Variants in CDK19 observed in about 807,000 individuals in gnomAD.
CDK19 encodes the protein cyclin dependent kinase 19, also known as cyclin-dependent kinase 19.
In CDK19, 20 loss-of-function variants were observed where a neutral mutation model predicts 68.3. That is an observed-to-expected ratio of 0.29 (90% CI 0.21 to 0.43). CDK19 has a LOEUF of 0.43. CDK19 is among the 20% of genes least tolerant of loss of function. The pLI is 1.00. For synonymous variants in CDK19, 221 were observed against 222.8 expected (o/e 0.99, Z 0.07); for missense variants, 339 against 623.5 (o/e 0.54, Z 4.86).
chr6:110,684,875 A>C (rs59870739), intron 2 of CDK19, among the ~76,000 whole-genome samples: 2,235 of 152,302 alleles, frequency 0.015, 38 homozygotes, highest in Middle Eastern at 0.044. Context: ...ACAGTGGCTC[A>C]CACCTGTAAT....
At chr6:110,804,934 C>A (rs922358583) in intron 1 of CDK19, among the ~76,000 whole-genome samples, 1 of 151,356 alleles carries the variant, frequency 6.6e-6, no homozygotes, top group Admixed American at 6.6e-5. Context: ...CCAACCTGGG[C>A]GACAGAACAA....
At chr6:110,620,578 TTC>T (rs1248674826) in intron 12 of CDK19, among the ~76,000 whole-genome samples, 3 of 152,222 alleles carry the variant, frequency 2.0e-5, no homozygotes, top group Non-Finnish European at 4.4e-5. Flanking sequence ...GCAATTGGTG[TTC>T]TCTTTTTATC....
In CDK19 at chr6:110,759,209, G is replaced by A. The variant is rs184811721; in HGVS notation, c.129-13008C>T. ...AGGTCAGGAGATCGAGACCATTCTG[G>A]CTAACACGGTGAAACCCCATCTCTA... On this transcript the variant is annotated intron_variant, in intron 1 of 12. Coordinates refer to ENST00000368911, the MANE Select transcript of CDK19 (RefSeq NM_015076.5). 4.8e-3 allele frequency among the ~76,000 whole-genome samples: 726 copies of A among 150,560 alleles called. 4 individuals are homozygous for A. Among genetic ancestry groups the A allele is most frequent in the Non-Finnish European group, 7.4e-3 (503 of 67,666 alleles).
chr6:110,738,469 G>A (rs527690834), intron 2 of CDK19, among the ~76,000 whole-genome samples: 12 of 152,118 alleles, frequency 7.9e-5, no homozygotes, highest in Non-Finnish European at 1.5e-4. Context: ...GCAGTGAGCC[G>A]AGATCGCGCC....
chr6:110,757,519 T>C (rs1778916925), intron 1 of CDK19, among the ~76,000 whole-genome samples: 1 of 152,234 alleles, frequency 6.6e-6, no homozygotes, highest in Non-Finnish European at 1.5e-5. Context: ...GGAAATTTAA[T>C]TATGAACCAG....
chr6:110,621,740 G>A lies in CDK19; in HGVS notation c.1110+348C>T, dbSNP rs928542523. Reference sequence around the variant, plus strand: ...GGAAAGGCAGAGCGGTCTGGAGAGTGAGCCAATATATCCAGTTAAGACGAA... The same window carrying A: ...GGAAAGGCAGAGCGGTCTGGAGAGTAAGCCAATATATCCAGTTAAGACGAA... On this transcript the variant is annotated intron_variant, in intron 11 of 12. Coordinates refer to ENST00000368911, the MANE Select transcript of CDK19 (RefSeq NM_015076.5). The surrounding 1 kb of genome is among the most constrained non-coding windows in gnomAD (Gnocchi z 5.4). Among the ~76,000 whole-genome samples, 1 of 152,220 alleles carries A rather than the reference G, an allele frequency of 6.6e-6. No homozygotes were observed. The highest frequency in any genetic ancestry group is 1.5e-5 in the Non-Finnish European group (1 of 68,034).
rs1033028653 is a variant in CDK19 at position 110,729,990 on chromosome 6, A to T, written c.204+16136T>A. Among the ~76,000 whole-genome samples, 7 of 152,314 alleles carry T rather than the reference A, an allele frequency of 4.6e-5. No individual in the cohort carries two copies. The East Asian group carries it at 1.4e-3, about 29-fold the overall frequency. On this transcript the variant is annotated intron_variant, in intron 2 of 12. Transcript: ENST00000368911. ...AACTGGGTCTCAGACTGAGAGTAAT[A>T]GATGGCCCAAGACTAAATAGCTACA...
At chr6:110,658,789 T>A (rs1230327755) in intron 4 of CDK19, among the ~76,000 whole-genome samples, 2 of 151,886 alleles carry the variant, frequency 1.3e-5, no homozygotes, top group Non-Finnish European at 2.9e-5. Flanking sequence ...CTAGGAAGAG[T>A]ATGAGACGAC....
chr6:110,757,307 G>C (rs180906954), intron 1 of CDK19, among the ~76,000 whole-genome samples: 1 of 152,096 alleles, frequency 6.6e-6, no homozygotes, highest in Non-Finnish European at 1.5e-5. Flanking sequence ...AAAATTCCCC[G>C]ATAGTAGCAA....
intron 1 of CDK19, among the ~76,000 whole-genome samples, chr6:110,755,239 C>T (rs1233666954): frequency 6.6e-6 from 1 of 151,980 alleles, no homozygotes; most frequent in Admixed American, 6.6e-5. Context: ...TGGGGTTTCG[C>T]TATGTTGGCC....
intron 2 of CDK19, among the ~76,000 whole-genome samples, chr6:110,728,219 C>T (rs561024605): frequency 6.7e-5 from 10 of 148,658 alleles, no homozygotes; most frequent in Non-Finnish European, 1.5e-4. Flanking sequence ...ACCTGGGAAG[C>T]GGAGGTTGCA....
intron 1 of CDK19, among the ~76,000 whole-genome samples, chr6:110,767,531 T>C (rs1779678492): frequency 6.6e-6 from 1 of 150,878 alleles, no homozygotes; most frequent in Non-Finnish European, 1.5e-5. Flanking sequence ...ATTTTTTGTA[T>C]TTTTAGTAGA....
intron 4 of CDK19, among the ~76,000 whole-genome samples, chr6:110,642,154 A>C (rs1780234446): frequency 6.6e-6 from 1 of 151,792 alleles, no homozygotes; most frequent in Admixed American, 6.6e-5. Flanking sequence ...TACAAAAATT[A>C]GCTGGGCGTG....
intron 1 of CDK19, chr6:110,814,787 C>G: frequency 4.4e-6 from 3 of 683,908 alleles, no homozygotes; most frequent in Non-Finnish European, 5.2e-6. Flanking sequence ...ACCGACGCCT[C>G]GGACCGGGCT....
At chr6:110,660,638 C>G (rs1271335407) in intron 4 of CDK19, among the ~76,000 whole-genome samples, 1 of 152,166 alleles carries the variant, frequency 6.6e-6, no homozygotes, top group East Asian at 1.9e-4. Flanking sequence ...GGAAGCTAAT[C>G]TCCCCCAAAG....
At chr6:110,786,345 C>A (rs571958543) in intron 1 of CDK19, among the ~76,000 whole-genome samples, 1 of 152,174 alleles carries the variant, frequency 6.6e-6, no homozygotes, top group South Asian at 2.1e-4. Flanking sequence ...ATTTTAAAAC[C>A]CTTCACTCCA....
chr6:110,661,636 A>C (rs1361980106), intron 4 of CDK19, among the ~76,000 whole-genome samples: 6 of 152,142 alleles, frequency 3.9e-5, no homozygotes, highest in African/African-American at 1.4e-4. Flanking sequence ...CTTTAATCAG[A>C]TGAAGAAATC....
chr6:110,671,924 C>T (rs944711079), intron 2 of CDK19, among the ~76,000 whole-genome samples: 2 of 152,054 alleles, frequency 1.3e-5, no homozygotes, highest in African/African-American at 2.4e-5. Context: ...ATTACAGGTA[C>T]GCACCACCAT....
intron 2 of CDK19, among the ~76,000 whole-genome samples, chr6:110,695,754 G>A (rs1773423656): frequency 6.6e-6 from 1 of 151,758 alleles, no homozygotes; most frequent in Admixed American, 6.6e-5. Flanking sequence ...GAGGATATGG[G>A]TAAATTCCTG....
Sources: gnomAD v4.1 joint callset for allele counts (sites outside exome capture counted in the v4.1 genomes callset) on GRCh38, gnomAD v4.1.1 for gene constraint, Gnocchi (gnomAD v3.1) non-coding constraint, MANE v1.5 for transcripts, NCBI Gene and HGNC (gene_info 2026-07-23, HGNC 2026-07-21) for gene names.